ASCC3: variants seen among roughly 807,000 people sequenced by gnomAD.
ASCC3 encodes ASC-1 complex subunit P200.
In ASCC3, 158 loss-of-function variants were observed where a neutral mutation model predicts 256.3. The ratio of observed to expected loss-of-function variants is 0.62; its 90% CI spans 0.54 to 0.70. ASCC3 has a LOEUF of 0.70. Among genes scored for constraint, ASCC3 ranks in the 30% least tolerant of loss-of-function variants. The pLI is 0.00. For missense variants in ASCC3, 2,259 were observed against 2,626.0 expected, an observed-to-expected ratio of 0.86 and a Z score of 3.05; for synonymous variants, 948 against 883.4, an observed-to-expected ratio of 1.07 and a Z score of -1.30.
intron 4 of ASCC3, among the ~76,000 whole-genome samples, chr6:100,815,737 T>C (rs970156895): frequency 1.3e-5 from 2 of 151,980 alleles, no homozygotes; most frequent in Non-Finnish European, 2.9e-5. Flanking sequence ...AGCTGGAAGA[T>C]TGAATCTTCC....
intron 4 of ASCC3, among the ~76,000 whole-genome samples, chr6:100,842,010 T>C (rs1195589086): frequency 2.0e-5 from 3 of 152,192 alleles, no homozygotes; most frequent in Admixed American, 6.5e-5. Context: ...TTGTAAAGGA[T>C]AATTTTCAAT....
At chr6:100,644,646 A>G (rs1421499482) in intron 22 of ASCC3, among the ~76,000 whole-genome samples, 1 of 152,080 alleles carries the variant, frequency 6.6e-6, no homozygotes, top group East Asian at 1.9e-4. Context: ...AGTCTTGTTC[A>G]GCAAGCATCT....
chr6:100,829,075 G>C (rs191887643), intron 4 of ASCC3, among the ~76,000 whole-genome samples: 1 of 152,292 alleles, frequency 6.6e-6, no homozygotes, highest in Non-Finnish European at 1.5e-5. Context: ...AGAGTAGCTA[G>C]ATACAGAGTG....
At chr6:100,658,624 C>T (rs1471713815) in intron 16 of ASCC3, among the ~76,000 whole-genome samples, 1 of 151,418 alleles carries the variant, frequency 6.6e-6, no homozygotes, top group Non-Finnish European at 1.5e-5. Context: ...TTGGCACAGG[C>T]ATTTCTTAAA....
chr6:100,698,421 A>G (rs1401489588), intron 13 of ASCC3, among the ~76,000 whole-genome samples: 1 of 152,162 alleles, frequency 6.6e-6, no homozygotes, highest in Non-Finnish European at 1.5e-5. Flanking sequence ...TTTCAGAAAA[A>G]CAAAAATTTT....
chr6:100,811,958 A>G (rs537838820), intron 4 of ASCC3, among the ~76,000 whole-genome samples: 26 of 152,312 alleles, frequency 1.7e-4, no homozygotes, highest in African/African-American at 6.0e-4. Flanking sequence ...CGAGACAGTA[A>G]TAAGCTTGAG....
chr6:100,786,338 A>T (rs1360295088), intron 8 of ASCC3, among the ~76,000 whole-genome samples: 4 of 152,178 alleles, frequency 2.6e-5, no homozygotes, highest in Non-Finnish European at 1.5e-5. Context: ...GTCTTCCAAA[A>T]ATTCCCATTG....
chr6:100,847,786 C>T (rs909405701), intron 4 of ASCC3, among the ~76,000 whole-genome samples: 6 of 152,240 alleles, frequency 3.9e-5, no homozygotes, highest in Middle Eastern at 3.4e-3. Context: ...GATTTCAAAG[C>T]CTGTCCTTTC....
intron 8 of ASCC3, among the ~76,000 whole-genome samples, chr6:100,767,911 C>T (rs79803731): frequency 0.058 from 8,829 of 151,982 alleles, 317 homozygotes; most frequent in African/African-American, 0.094. Flanking sequence ...CCACCGCACC[C>T]GGCCAGAATA....
At chr6:100,649,582 T>A (rs1775555780) in intron 20 of ASCC3, among the ~76,000 whole-genome samples, 1 of 151,692 alleles carries the variant, frequency 6.6e-6, no homozygotes, top group Admixed American at 6.6e-5. Flanking sequence ...TGTCTTGGTT[T>A]GTGTTTGTAA....
chr6:100,739,369 G>A (rs1480742729), intron 10 of ASCC3, among the ~76,000 whole-genome samples: 9 of 152,134 alleles, frequency 5.9e-5, no homozygotes, highest in African/African-American at 9.7e-5. Flanking sequence ...TTTTTGCACC[G>A]AAGCTCATCA....
chr6:100,607,605 T>C (rs1772966328), intron 30 of ASCC3, among the ~76,000 whole-genome samples: 1 of 152,058 alleles, frequency 6.6e-6, no homozygotes, highest in African/African-American at 2.4e-5. Context: ...TCTTTAACTG[T>C]AAATTTGAAA....
intron 36 of ASCC3, among the ~76,000 whole-genome samples, chr6:100,549,001 T>C (rs1582429505): frequency 6.6e-6 from 1 of 152,076 alleles, no homozygotes; most frequent in Admixed American, 6.6e-5. Flanking sequence ...TAATAATATA[T>C]TGCAATAGGA....
intron 30 of ASCC3, among the ~76,000 whole-genome samples, chr6:100,615,177 G>C (rs984475203): frequency 6.6e-6 from 1 of 151,932 alleles, no homozygotes; most frequent in African/African-American, 2.4e-5. Context: ...CACCACACCT[G>C]GGCCAGGCTT....
intron 10 of ASCC3, among the ~76,000 whole-genome samples, chr6:100,730,298 G>GAAAACAAAACAAAACAAAAC (rs58157005): frequency 0.03 from 4,505 of 148,514 alleles, 90 homozygotes; most frequent in African/African-American, 0.06. Context: ...CTCCATCTCT[G>GAAAACAAAACAAAACAAAAC]AAAACAAAAC....
At chr6:100,517,391 GGT>G (rs1232425970) in intron 38 of ASCC3, among the ~76,000 whole-genome samples, 2 of 152,026 alleles carry the variant, frequency 1.3e-5, no homozygotes, top group African/African-American at 4.8e-5. Context: ...GTGAAACACT[GGT>G]GTGAAAGAAA....
chr6:100,525,937 T>C (rs1375285518), intron 37 of ASCC3, among the ~76,000 whole-genome samples: 1 of 152,160 alleles, frequency 6.6e-6, no homozygotes, highest in Non-Finnish European at 1.5e-5. Context: ...TTTACAATGA[T>C]GGGAAAACCT....
At chr6:100,661,581 A>G (rs1466548564) in intron 16 of ASCC3, among the ~76,000 whole-genome samples, 1 of 151,930 alleles carries the variant, frequency 6.6e-6, no homozygotes, top group African/African-American at 2.4e-5. Flanking sequence ...AAAGCCTCAT[A>G]GTTTAAAAGT....
chr6:100,790,569 T>C (rs1409174296), intron 8 of ASCC3, among the ~76,000 whole-genome samples: 3 of 152,020 alleles, frequency 2.0e-5, no homozygotes, highest in Admixed American at 6.6e-5. Context: ...CACACTGATA[T>C]ATTGAAAGAC....
Sources: allele counts gnomAD v4.1 joint callset (sites outside exome capture counted in the v4.1 genomes callset), GRCh38; gene constraint gnomAD v4.1.1; transcripts MANE v1.5; gene names NCBI Gene and HGNC (gene_info 2026-07-23, HGNC 2026-07-21).